The following ITGAV variants were observed in gnomAD, a reference collection of about 807,000 sequenced individuals.
ITGAV encodes the protein integrin subunit alpha V, also known as integrin alpha-V.
Under a neutral mutation model 143.8 loss-of-function variants are expected in ITGAV, and 76 were observed. That is an observed-to-expected ratio of 0.53 (90% CI 0.44 to 0.64). The LOEUF (loss-of-function observed/expected upper bound fraction) is 0.64. Ranked by LOEUF, ITGAV falls within the 30% of genes least tolerant of loss-of-function variation. ITGAV has a pLI of 0.00. For synonymous variants in ITGAV, 453 were observed against 446.7 expected (o/e 1.01, Z -0.18); for missense variants, 1,193 against 1,274.7 (o/e 0.94, Z 0.98).
chr2:186,659,341 T>G (rs903897107), intron 18 of ITGAV, among the ~76,000 whole-genome samples, 166 bp downstream of exon 18: 6 of 151,954 alleles, frequency 3.9e-5, no homozygotes, highest in Admixed American at 1.3e-4. Context: ...TGGTTTTTAT[T>G]TTTTTGGGAA....
chr2:186,601,941 A>G, intron 1 of ITGAV, 80 bp from the exon 2 acceptor site: 5 of 1,363,968 alleles, frequency 3.7e-6, no homozygotes, highest in South Asian at 3.1e-5. Flanking sequence ...TATCAAGAGA[A>G]TGATTGCTCC....
intron 2 of ITGAV, among the ~76,000 whole-genome samples, chr2:186,603,383 A>G (rs1339569455): frequency 2.0e-5 from 3 of 152,190 alleles, no homozygotes; most frequent in African/African-American, 7.2e-5. Context: ...TGACATTGTG[A>G]TCAGTGCCAA....
chr2:186,602,486 T>C (rs1045696635), intron 2 of ITGAV, among the ~76,000 whole-genome samples: 1 of 152,206 alleles, frequency 6.6e-6, no homozygotes, highest in African/African-American at 2.4e-5. Context: ...AAAGGCATTC[T>C]GCTGCTTCTC....
chr2:186,600,974 A>T (rs1177321345), intron 1 of ITGAV, among the ~76,000 whole-genome samples: 1 of 151,524 alleles, frequency 6.6e-6, no homozygotes, highest in Non-Finnish European at 1.5e-5. Flanking sequence ...AAAAAAAAAA[A>T]GGCAGAAACC....
intron 26 of ITGAV, among the ~76,000 whole-genome samples, chr2:186,673,589 T>C (rs1684090248): frequency 6.6e-6 from 1 of 152,208 alleles, no homozygotes; most frequent in African/African-American, 2.4e-5. Context: ...TTGTCACTTT[T>C]AGTGTACTTG....
At chr2:186,621,562 A>G (rs1040801212) in intron 2 of ITGAV, among the ~76,000 whole-genome samples, 2 of 152,212 alleles carry the variant, frequency 1.3e-5, no homozygotes, top group African/African-American at 4.8e-5. Flanking sequence ...AATTCAATCA[A>G]AGATCACATC....
chr2:186,680,304 T>G lies in ITGAV; in HGVS notation c.*3012T>G, dbSNP rs1689317548. On this transcript the variant is annotated 3_prime_UTR_variant, in exon 30 of 30. Transcript: ENST00000261023. ...AAAGGCAGATGAAATTACTTAATACTCAGTGTTTTGGAGAGTATTCCTTTT... is the reference window on the plus strand; with the variant it reads ...AAAGGCAGATGAAATTACTTAATACGCAGTGTTTTGGAGAGTATTCCTTTT... 1 of 152,506 alleles carries G rather than the reference T, an allele frequency of 6.6e-6. No homozygotes were observed. The highest frequency in any genetic ancestry group is 6.5e-5 in the Admixed American group (1 of 15,270). The allele number at this position is 152,506 out of a possible 1,614,324, so 9.4% of individuals were successfully genotyped here. A position where few individuals can be genotyped will look rare whatever the true frequency, so the allele number is the denominator to read the frequency against.
intron 21 of ITGAV, among the ~76,000 whole-genome samples, chr2:186,665,966 C>T (rs1032704029): frequency 6.6e-6 from 1 of 152,196 alleles, no homozygotes; most frequent in South Asian, 2.1e-4. Flanking sequence ...CAGTTTTTCA[C>T]GTGTATTCAA....
intron 12 of ITGAV, 98 bp from the exon 13 acceptor site, chr2:186,646,588 T>A (rs1342628414): frequency 1.3e-6 from 1 of 778,362 alleles, no homozygotes; most frequent in Non-Finnish European, 2.1e-6. Context: ...ATCCTTGCCC[T>A]CTTCCCCCCT....
intron 19 of ITGAV, among the ~76,000 whole-genome samples, chr2:186,664,188 G>A (rs1361482158): frequency 2.0e-5 from 3 of 152,094 alleles, no homozygotes; most frequent in African/African-American, 7.2e-5. Flanking sequence ...ATTATGACAC[G>A]TGATTAATTT....
intron 1 of ITGAV, among the ~76,000 whole-genome samples, chr2:186,592,837 T>C (rs571058762): frequency 6.6e-6 from 1 of 152,302 alleles, no homozygotes; most frequent in Admixed American, 6.5e-5. Context: ...TATAGGTAAC[T>C]TAAAAAATGG....
intron 1 of ITGAV, among the ~76,000 whole-genome samples, chr2:186,594,160 A>C (rs1002563832): frequency 6.6e-6 from 1 of 152,162 alleles, no homozygotes; most frequent in Non-Finnish European, 1.5e-5. Flanking sequence ...TTAAATCTAA[A>C]AGTAGATCTC....
At chr2:186,622,984 T>G (rs999329077) in intron 3 of ITGAV, among the ~76,000 whole-genome samples, 1 of 152,006 alleles carries the variant, frequency 6.6e-6, no homozygotes, top group Non-Finnish European at 1.5e-5. Flanking sequence ...GGCTGGTCTC[T>G]AACTCCTGAC....
intron 1 of ITGAV, chr2:186,600,253 C>T (rs1686861591): frequency 4.6e-6 from 6 of 1,296,376 alleles, no homozygotes; most frequent in African/African-American, 1.5e-5. Flanking sequence ...GTCTTTCTAC[C>T]TCTGCCTCAC....
At chr2:186,634,778 A>T (rs1219810298) in intron 6 of ITGAV, among the ~76,000 whole-genome samples, 1 of 152,146 alleles carries the variant, frequency 6.6e-6, no homozygotes, top group African/African-American at 2.4e-5. Context: ...CATATGAGAA[A>T]ATAGGGGATA....
Position 186,663,770 on chromosome 2 carries a change from T to C in ITGAV, c.1860T>C (p.Ala620=). The C allele has an allele frequency of 6.2e-7, 1 of 1,610,444 alleles. No homozygotes were observed. The highest frequency in any genetic ancestry group is 8.5e-7 in the Non-Finnish European group (1 of 1,177,086). Residue 620 remains alanine, a splice_region_variant and synonymous_variant, in exon 19 of 30, where the codon GCT becomes GCC. Coordinates refer to ENST00000261023, the MANE Select transcript of ITGAV (RefSeq NM_002210.5). ...AAAAATAAAATGTTTTTTTCTAGGCTCACATTCTACTTGACTGTGGTGAAG... is the reference window on the plus strand; with the variant it reads ...AAAAATAAAATGTTTTTTTCTAGGCCCACATTCTACTTGACTGTGGTGAAG... ...QFTPANISRQ[A]HILLDCGEDN...
intron 1 of ITGAV, among the ~76,000 whole-genome samples, chr2:186,601,352 T>C (rs1357900991): frequency 6.6e-6 from 1 of 151,728 alleles, no homozygotes. Context: ...TTCTACCTGC[T>C]CAGGAGGCTG....
chr2:186,676,920 A>G lies in ITGAV; in HGVS notation c.3036A>G (p.Val1012=), dbSNP rs778650149. ...GATTGTTGCTACTGGCTGTTTTGGT[A>G]TTTGTAATGTACAGGGTAAGTAACG... ...LAGLLLLAVL[V]FVMYRMGFFK... is the part of the protein sequence containing the mutation. Residue 1012 remains valine (V), a synonymous_variant, in exon 29 of 30, where the codon GTA becomes GTG. Transcript: ENST00000261023. 6.2e-7 allele frequency: 1 copy of G among 1,613,842 alleles called. No individual in the cohort carries two copies. The highest frequency in any genetic ancestry group is 1.1e-5 in the South Asian group (1 of 91,056).
At position 186,678,918 on chromosome 2, in the gene ITGAV, G is replaced by C. The variant is rs200540681; in HGVS notation, c.*1626G>C. On this transcript the variant is annotated 3_prime_UTR_variant, in exon 30 of 30. Transcript: ENST00000261023. ...TGCACAAGTTGACTGAGCTAATCTT[G>C]AGAATATATTCGTAAAATAGGAGCA... 66 of 360,346 alleles carry C rather than the reference G, an allele frequency of 1.8e-4. No individual in the cohort carries two copies. The highest frequency in any genetic ancestry group is 6.5e-5 in the South Asian group (3 of 45,840). The allele number at this position is 360,346 out of a possible 1,614,324, so 22.3% of individuals were successfully genotyped here.
Sources: gnomAD v4.1 joint callset for allele counts (sites outside exome capture counted in the v4.1 genomes callset) on GRCh38, gnomAD v4.1.1 for gene constraint, MANE v1.5 for transcripts, NCBI Gene and HGNC (gene_info 2026-07-23, HGNC 2026-07-21) for gene names.